Variants in GTF2IRD1 observed in about 807,000 individuals in gnomAD.
The protein encoded by GTF2IRD1 is GTF2I repeat domain containing 1.
A neutral mutation model predicts 113.2 loss-of-function variants in GTF2IRD1; 26 were observed. The ratio of observed to expected loss-of-function variants is 0.23; its 90% CI spans 0.17 to 0.32. The LOEUF (loss-of-function observed/expected upper bound fraction) is 0.32, where lower values mean the gene tolerates loss of function less well. GTF2IRD1 is among the 10% of genes least tolerant of loss of function. The probability of loss-of-function intolerance (pLI) is 1.00; values close to 1 mark genes in which losing one functional copy is unlikely to be tolerated. For synonymous variants in GTF2IRD1, 484 were observed against 529.1 expected, an observed-to-expected ratio of 0.91 and a Z score of 1.17; for missense variants, 864 against 1,280.8, an observed-to-expected ratio of 0.67 and a Z score of 4.97.
intron 25 of GTF2IRD1, among the ~76,000 whole-genome samples, chr7:74,599,281 C>G (rs782559624): frequency 9.2e-5 from 14 of 152,238 alleles, no homozygotes; most frequent in Middle Eastern, 6.8e-3. Context: ...CTCAAAAAGA[C>G]AATAAAAGCC....
chr7:74,574,615 G>A (rs757610306), intron 22 of GTF2IRD1, among the ~76,000 whole-genome samples: 13 of 151,220 alleles, frequency 8.6e-5, no homozygotes, highest in Non-Finnish European at 1.0e-4. Context: ...GTGCACCACC[G>A]TGCCAGGCTA....
intron 1 of GTF2IRD1, among the ~76,000 whole-genome samples, chr7:74,454,770 T>C (rs979160220): frequency 1.4e-4 from 21 of 151,954 alleles, no homozygotes; most frequent in Non-Finnish European, 2.2e-4. Context: ...TGGAGGGGAC[T>C]CAGAAGGTGG....
At chr7:74,468,648 G>A (rs1185220101) in intron 1 of GTF2IRD1, among the ~76,000 whole-genome samples, 2 of 147,584 alleles carry the variant, frequency 1.4e-5, no homozygotes, top group Admixed American at 6.8e-5. Flanking sequence ...ACAGAGCAGC[G>A]AGACTCCATC....
chr7:74,549,301 T>G (rs1554354243), intron 17 of GTF2IRD1, among the ~76,000 whole-genome samples: 1 of 113,494 alleles, frequency 8.8e-6, no homozygotes, highest in Non-Finnish European at 1.7e-5. Flanking sequence ...AGACTCTGTC[T>G]CAAAAAAAAA....
In GTF2IRD1 at chr7:74,590,876, G is replaced by T; in HGVS notation, c.2450G>T (p.Arg817Leu). Reference protein sequence around the residue: ...RPVLVPYKLIRDSPDAVEVTG... With the variant: ...RPVLVPYKLILDSPDAVEVTG... ...GTGCTGGTCCCTTATAAACTAATCC[G>T]GGACAGCCCAGACGCCGTGGAGGTC... The change falls in exon 24 of 27, where the codon CGG becomes CTG. Residue 817 changes from arginine to leucine, a missense_variant. Physicochemically the swap from Arg to Leu is moderately radical, Grantham distance 102. Around this residue, in one of 7 missense-constraint regions of GTF2IRD1, gnomAD observed 195 missense variants for 359.1 expected, o/e 0.54. Transcript: ENST00000424337. 6.2e-7 allele frequency: 1 copy of T among 1,613,616 alleles called. No individual in the cohort carries two copies. Among genetic ancestry groups the T allele is most frequent in the Non-Finnish European group, 8.5e-7 (1 of 1,179,806 alleles).
intron 17 of GTF2IRD1, among the ~76,000 whole-genome samples, chr7:74,552,264 T>C (rs1799354831): frequency 6.6e-6 from 1 of 152,122 alleles, no homozygotes; most frequent in Admixed American, 6.5e-5. Context: ...ACGCCTGTAA[T>C]CCCAGCACTT....
intron 3 of GTF2IRD1, among the ~76,000 whole-genome samples, chr7:74,513,963 C>T (rs1264459503): frequency 1.3e-5 from 2 of 152,096 alleles, no homozygotes; most frequent in African/African-American, 2.4e-5. Context: ...CAGTGAGCTA[C>T]GATGGCACCC....
intron 22 of GTF2IRD1, among the ~76,000 whole-genome samples, chr7:74,576,545 GAA>G (rs1335880972): frequency 6.3e-4 from 26 of 41,246 alleles, no homozygotes; most frequent in Admixed American, 8.4e-4. Context: ...TGGGCTACAA[GAA>G]AAAAAAAAAA....
At chr7:74,547,644 G>A (rs1799026531) in intron 17 of GTF2IRD1, among the ~76,000 whole-genome samples, 1 of 151,762 alleles carries the variant, frequency 6.6e-6, no homozygotes, top group Admixed American at 6.6e-5. Flanking sequence ...TCACCATGTT[G>A]GCCAGGCTGG....
chr7:74,559,182 G>A, intron 21 of GTF2IRD1, 138 bp downstream of exon 21: 1 of 780,506 alleles, frequency 1.3e-6, no homozygotes, highest in South Asian at 1.9e-5. Context: ...CCTGGGTCCT[G>A]GGGGTGGTTG....
rs554718049 is a variant in GTF2IRD1 at position 74,510,959 on chromosome 7, G to T, written c.124-1871G>T. 3.9e-5 allele frequency among the ~76,000 whole-genome samples: 6 copies of T among 151,934 alleles called. No homozygotes were observed. In the East Asian group the frequency reaches 1.2e-3, roughly 29 times the overall value. ...AGCTATTCGGGAGGCCGAGGCAGGA[G>T]AATCGCCTGAGCCTGGGAGGCAGAG... On this transcript the variant is annotated intron_variant, in intron 2 of 26. Coordinates refer to ENST00000424337, the MANE Select transcript of GTF2IRD1 (RefSeq NM_005685.4).
chr7:74,498,000 C>T lies in GTF2IRD1; in HGVS notation c.-6-10075C>T, dbSNP rs539822324. ...ATTACAGGCATGAGCCACCGCGCCC[C>T]GCTTTCTTGTGTTTTTTATAGTAGG... On this transcript the variant is annotated intron_variant, in intron 1 of 26. Transcript: ENST00000424337. Among the ~76,000 whole-genome samples the T allele has an allele frequency of 3.4e-5, 5 of 147,378 alleles. No individual in the cohort carries two copies. In the East Asian group the frequency reaches 6.1e-4, roughly 18 times the overall value.
intron 5 of GTF2IRD1, 116 bp from the exon 6 acceptor site, chr7:74,519,293 C>G (rs768436795): frequency 3.0e-6 from 2 of 659,876 alleles, no homozygotes; most frequent in African/African-American, 3.7e-5. Flanking sequence ...CTGTCCTGCC[C>G]TCCTCATGGG....
chr7:74,463,536 T>C (rs1023947738), intron 1 of GTF2IRD1, among the ~76,000 whole-genome samples: 13 of 151,174 alleles, frequency 8.6e-5, no homozygotes, highest in Non-Finnish European at 1.8e-4. Flanking sequence ...GTCCTGCCTG[T>C]TCATCTTTAA....
intron 2 of GTF2IRD1, among the ~76,000 whole-genome samples, chr7:74,510,483 A>G (rs1796562630): frequency 6.6e-6 from 1 of 150,850 alleles, no homozygotes; most frequent in African/African-American, 2.4e-5. Context: ...ATTTTTTTGT[A>G]TTTTTAGTAG....
chr7:74,549,509 GAC>G (rs1554354291), intron 17 of GTF2IRD1, among the ~76,000 whole-genome samples: 1 of 152,144 alleles, frequency 6.6e-6, no homozygotes. Context: ...GCTGCTCCAT[GAC>G]ACACAAAGAG....
chr7:74,474,648 C>T (rs1554333173), intron 1 of GTF2IRD1, among the ~76,000 whole-genome samples: 3 of 152,294 alleles, frequency 2.0e-5, no homozygotes, highest in Non-Finnish European at 4.4e-5. Context: ...CCTCTACATC[C>T]TCATCTGTAA....
chr7:74,575,392 T>C (rs1370143991), intron 22 of GTF2IRD1, among the ~76,000 whole-genome samples: 1 of 152,082 alleles, frequency 6.6e-6, no homozygotes, highest in African/African-American at 2.4e-5. Context: ...GGGAAGATGG[T>C]ACATGGCCAG....
chr7:74,517,424 C>T (rs1288954887), intron 4 of GTF2IRD1, among the ~76,000 whole-genome samples: 3 of 133,880 alleles, frequency 2.2e-5, no homozygotes, highest in Admixed American at 1.5e-4. Flanking sequence ...TTCCTCCCTA[C>T]ACCTTTTTTT....
Sources: allele counts gnomAD v4.1 joint callset (sites outside exome capture counted in the v4.1 genomes callset), GRCh38; gene constraint gnomAD v4.1.1; regional missense constraint gnomAD v4.1.1; transcripts MANE v1.5; gene names NCBI Gene and HGNC (gene_info 2026-07-23, HGNC 2026-07-21).